The following GALNT17 variants were observed in gnomAD, a reference collection of about 807,000 sequenced individuals.
GALNT17 encodes polypeptide N-acetylgalactosaminyltransferase 17, also known as UDP-GalNAc:polypeptide N-acetylgalactosaminyltransferase-like 3.
GALNT17 carries 29 observed loss-of-function variants against 63.7 expected under a neutral mutation model. The observed-to-expected ratio is 0.46, with a 90% CI of 0.34 to 0.62. GALNT17 has a LOEUF of 0.62. Ranked by LOEUF, GALNT17 falls within the 20% of genes least tolerant of loss-of-function variation. The pLI, the probability that GALNT17 is intolerant of heterozygous loss-of-function variation, is 0.01. For synonymous variants in GALNT17, 305 were observed against 318.3 expected (o/e 0.96, Z 0.45); for missense variants, 603 against 799.6 (o/e 0.75, Z 2.97).
At chr7:71,711,893 TTC>T (rs750416481) in intron 10 of GALNT17, 123 bp from the exon 11 acceptor site, 1 of 1,080,742 alleles carries the variant, frequency 9.3e-7, no homozygotes, top group Non-Finnish European at 1.3e-6. Flanking sequence ...TCTCTTTCTC[TTC>T]TCTTTTTCTT....
intron 2 of GALNT17, among the ~76,000 whole-genome samples, chr7:71,372,165 T>G (rs1440121790): frequency 6.6e-6 from 1 of 151,864 alleles, no homozygotes; most frequent in Non-Finnish European, 1.5e-5. Context: ...CTTTTCTATT[T>G]TTTTATTTTT....
intron 7 of GALNT17, among the ~76,000 whole-genome samples, chr7:71,666,168 T>C (rs923195390): frequency 6.6e-6 from 1 of 152,028 alleles, no homozygotes; most frequent in African/African-American, 2.4e-5. Context: ...AATCCACTCA[T>C]CTTCTCTGTA....
intron 5 of GALNT17, among the ~76,000 whole-genome samples, chr7:71,465,115 A>G (rs886793205): frequency 6.6e-6 from 1 of 152,188 alleles, no homozygotes; most frequent in African/African-American, 2.4e-5. Flanking sequence ...GGCCACAGAC[A>G]TCTAGGTGGC....
At chr7:71,163,828 A>G (rs4719079) in intron 1 of GALNT17, among the ~76,000 whole-genome samples, 20,795 of 152,230 alleles carry the variant, frequency 0.14, 2,372 homozygotes, top group African/African-American at 0.31. Context: ...AGTGATTGCC[A>G]TCTGTGGGTC....
chr7:71,526,676 C>G (rs1052353292), intron 5 of GALNT17, among the ~76,000 whole-genome samples: 2 of 151,570 alleles, frequency 1.3e-5, no homozygotes, highest in African/African-American at 4.9e-5. Flanking sequence ...TGTGCCCCCA[C>G]GCCTGACTGA....
At chr7:71,463,919 G>C (rs1157241973) in intron 5 of GALNT17, among the ~76,000 whole-genome samples, 2 of 152,128 alleles carry the variant, frequency 1.3e-5, no homozygotes, top group East Asian at 3.9e-4. Flanking sequence ...AGGTCTTTGT[G>C]ACCTGTATCT....
intron 1 of GALNT17, among the ~76,000 whole-genome samples, chr7:71,242,815 A>C (rs1790023884): frequency 6.6e-6 from 1 of 152,216 alleles, no homozygotes; most frequent in Admixed American, 6.5e-5. Flanking sequence ...AGCAGAACTG[A>C]TATGCTAACT....
At chr7:71,176,858 CATTT>C (rs1788647836) in intron 1 of GALNT17, among the ~76,000 whole-genome samples, 1 of 152,090 alleles carries the variant, frequency 6.6e-6, no homozygotes, top group Non-Finnish European at 1.5e-5. Context: ...ATCTAGCAGG[CATTT>C]ATTTGAGCAC....
chr7:71,243,586 A>G (rs1790040510), intron 1 of GALNT17, among the ~76,000 whole-genome samples: 1 of 151,520 alleles, frequency 6.6e-6, no homozygotes, highest in Non-Finnish European at 1.5e-5. Context: ...TTCTTTTCTT[A>G]TTGAGATGGG....
At chr7:71,594,320 C>T (rs545059393) in intron 6 of GALNT17, among the ~76,000 whole-genome samples, 3 of 152,104 alleles carry the variant, frequency 2.0e-5, no homozygotes, top group African/African-American at 4.8e-5. Context: ...GACAGAGTCT[C>T]GCTCTGTCAC....
intron 5 of GALNT17, among the ~76,000 whole-genome samples, chr7:71,439,738 G>A (rs927975174): frequency 3.3e-5 from 5 of 152,162 alleles, no homozygotes; most frequent in African/African-American, 1.2e-4. Flanking sequence ...CTGAGTTATT[G>A]CTGGACATAA....
chr7:71,547,525 G>GA (rs932106186), intron 5 of GALNT17, among the ~76,000 whole-genome samples: 1 of 152,048 alleles, frequency 6.6e-6, no homozygotes, highest in African/African-American at 2.4e-5. Flanking sequence ...GAGCTCAGGT[G>GA]ATCTGCCTGC....
intron 9 of GALNT17, among the ~76,000 whole-genome samples, chr7:71,701,416 G>A (rs1791628977): frequency 6.6e-6 from 1 of 151,996 alleles, no homozygotes; most frequent in African/African-American, 2.4e-5. Context: ...GAACTCAGGA[G>A]GTGGAGGTTG....
intron 2 of GALNT17, among the ~76,000 whole-genome samples, chr7:71,368,740 A>G (rs1792560608): frequency 6.6e-6 from 1 of 152,142 alleles, no homozygotes; most frequent in African/African-American, 2.4e-5. Context: ...AGTGTTTGCA[A>G]ATGTCACAGT....
chr7:71,451,014 T>C (rs6948590), intron 5 of GALNT17, among the ~76,000 whole-genome samples: 188 of 152,108 alleles, frequency 1.2e-3, no homozygotes, highest in African/African-American at 4.3e-3. Context: ...ATGTGCCATG[T>C]TGGTGTGCTG....
chr7:71,411,938 A>G (rs1426445150), intron 3 of GALNT17, among the ~76,000 whole-genome samples: 2 of 152,164 alleles, frequency 1.3e-5, no homozygotes, highest in Non-Finnish European at 1.5e-5. Flanking sequence ...AACTCTGCCA[A>G]ACACTTCACA....
intron 1 of GALNT17, among the ~76,000 whole-genome samples, chr7:71,183,307 G>C (rs943462198): frequency 2.0e-5 from 3 of 152,144 alleles, no homozygotes; most frequent in Non-Finnish European, 2.9e-5. Flanking sequence ...AGCTCTTGAA[G>C]ACAGAAGGAA....
chr7:71,629,797 T>A (rs918546748), intron 6 of GALNT17, among the ~76,000 whole-genome samples: 1 of 152,164 alleles, frequency 6.6e-6, no homozygotes, highest in Non-Finnish European at 1.5e-5. Context: ...ATTTTTAAAC[T>A]TTTTTATAGA....
intron 5 of GALNT17, among the ~76,000 whole-genome samples, chr7:71,441,893 T>G (rs1012984571): frequency 6.6e-6 from 1 of 152,156 alleles, no homozygotes; most frequent in African/African-American, 2.4e-5. Context: ...TGATGGGCAT[T>G]TGGGTTGGTT....
Sources: allele counts gnomAD v4.1 joint callset (sites outside exome capture counted in the v4.1 genomes callset), GRCh38; gene constraint gnomAD v4.1.1; transcripts MANE v1.5; gene names NCBI Gene and HGNC (gene_info 2026-07-23, HGNC 2026-07-21).